REV3L: variants seen among roughly 807,000 people sequenced by gnomAD.
REV3L encodes REV3 like, DNA directed polymerase zeta catalytic subunit.
In REV3L, 69 loss-of-function variants were observed where a neutral mutation model predicts 299.4. That is an observed-to-expected ratio of 0.23 (90% CI 0.19 to 0.28). The LOEUF (loss-of-function observed/expected upper bound fraction) is 0.28, where lower values mean the gene tolerates loss of function less well. Ranked by LOEUF, REV3L falls within the 10% of genes least tolerant of loss-of-function variation. REV3L has a pLI of 1.00. For missense variants in REV3L, 3,128 were observed against 3,693.8 expected (o/e 0.85, Z 3.97); for synonymous variants, 1,238 against 1,271.4 (o/e 0.97, Z 0.56).
chr6:111,465,838 G>A (rs369310343), intron 1 of REV3L, among the ~76,000 whole-genome samples: 3 of 146,308 alleles, frequency 2.1e-5, no homozygotes, highest in East Asian at 4.1e-4. Flanking sequence ...GATGAAAAAC[G>A]ATTTATACAA....
intron 31 of REV3L, among the ~76,000 whole-genome samples, chr6:111,303,701 C>CTTTTTTTTTTTTTTTTTTT (rs58366929): frequency 3.2e-4 from 4 of 12,642 alleles, no homozygotes; most frequent in Non-Finnish European, 3.0e-4. Context: ...CAGACTATGA[C>CTTTTTTTTTTTTTTTTTTT]TTTTTTTTTT....
chr6:111,436,395 T>C (rs1403406729), intron 1 of REV3L, among the ~76,000 whole-genome samples: 1 of 152,128 alleles, frequency 6.6e-6, no homozygotes, highest in African/African-American at 2.4e-5. Flanking sequence ...CATCAGTGGA[T>C]GAATGGATAA....
At chr6:111,431,548 T>G (rs1489036025) in intron 1 of REV3L, 1 of 808,780 alleles carries the variant, frequency 1.2e-6, no homozygotes, top group African/African-American at 1.7e-5. Context: ...CAACATGATC[T>G]GTCTCTTGGG....
At chr6:111,419,298 T>C (rs982390036) in intron 1 of REV3L, among the ~76,000 whole-genome samples, 1 of 151,882 alleles carries the variant, frequency 6.6e-6, no homozygotes, top group African/African-American at 2.4e-5. Context: ...TAAGAGAAAA[T>C]GAAAGAAACA....
intron 26 of REV3L, among the ~76,000 whole-genome samples, chr6:111,320,482 A>C (rs1774035632): frequency 6.6e-6 from 1 of 152,248 alleles, no homozygotes; most frequent in South Asian, 2.1e-4. Flanking sequence ...ATTATATTTA[A>C]CAAGGCAAAG....
At position 111,405,613 on chromosome 6, in the gene REV3L, T is replaced by C; in HGVS notation, c.422A>G (p.Gln141Arg). The change falls in exon 4 of 32, where the codon CAA (glutamine) becomes CGA (arginine). Residue 141 changes from glutamine (Q) to arginine (R), a missense_variant. By Grantham distance (43) the Gln-to-Arg change is conservative. This residue lies in a region of REV3L where 2,409 missense variants were observed against 2,611.8 expected (regional missense o/e 0.92). Coordinates refer to ENST00000368802, the MANE Select transcript of REV3L (RefSeq NM_001372078.1). Reference protein sequence around the residue: ...TMVKRICELLQSGAIMNKFYQ... With the variant: ...TMVKRICELLRSGAIMNKFYQ... ...AAATTTATTCATTATGGCTCCGCTT[T>C]GCAAAAGTTCACATATCCTAAATTA... 6.3e-7 allele frequency: 1 copy of C among 1,598,164 alleles called. No individual in the cohort carries two copies.
At chr6:111,450,508 C>CAAAAAAAAAAAAAAAAAAAAAAAA (rs1789400781) in intron 1 of REV3L, among the ~76,000 whole-genome samples, 4 of 94,280 alleles carry the variant, frequency 4.2e-5, no homozygotes, top group African/African-American at 6.9e-5. Context: ...AAAAAAAAAC[C>CAAAAAAAAAAAAAAAAAAAAAAAA]AAAAAACATT....
intron 10 of REV3L, 29 bp from the exon 11 acceptor site, chr6:111,380,248 A>G (rs775497698): frequency 4.0e-6 from 6 of 1,495,006 alleles, no homozygotes; most frequent in Non-Finnish European, 5.5e-6. Flanking sequence ...AATCACCAAC[A>G]AATAAGTTTT....
intron 1 of REV3L, among the ~76,000 whole-genome samples, chr6:111,432,164 A>G (rs1787015234): frequency 1.3e-5 from 2 of 152,236 alleles, no homozygotes. Context: ...GTTCTAAAAC[A>G]ACAGAAAACA....
chr6:111,444,471 C>CT (rs555516038), intron 1 of REV3L, among the ~76,000 whole-genome samples: 92 of 152,250 alleles, frequency 6.0e-4, no homozygotes, highest in Non-Finnish European at 7.8e-4. Flanking sequence ...TTCCAATACA[C>CT]TTAACCACAA....
intron 1 of REV3L, among the ~76,000 whole-genome samples, chr6:111,452,497 T>C (rs1789667581): frequency 6.6e-6 from 1 of 151,458 alleles, no homozygotes; most frequent in Non-Finnish European, 1.5e-5. Context: ...ATAATGCAAT[T>C]AAAAAAAAAC....
At chr6:111,379,881 A>G in intron 11 of REV3L, 101 bp downstream of exon 11, 1 of 771,750 alleles carries the variant, frequency 1.3e-6, no homozygotes, top group Admixed American at 2.3e-5. Context: ...AATTTAGTTC[A>G]TAAGGTATTT....
chr6:111,430,705 T>C (rs1161636303), intron 1 of REV3L: 5 of 1,544,418 alleles, frequency 3.2e-6, no homozygotes, highest in Admixed American at 1.7e-5. Flanking sequence ...GCAAAGAAAA[T>C]AAAAAGAAAG....
intron 26 of REV3L, among the ~76,000 whole-genome samples, chr6:111,318,458 G>C (rs530915590): frequency 6.6e-6 from 1 of 152,090 alleles, no homozygotes; most frequent in Non-Finnish European, 1.5e-5. Context: ...TAAGCATAAA[G>C]GAGTGGAATC....
chr6:111,463,621 A>C (rs1225465875), intron 1 of REV3L, among the ~76,000 whole-genome samples: 2 of 152,226 alleles, frequency 1.3e-5, no homozygotes, highest in African/African-American at 2.4e-5. Context: ...TTTAAGACAT[A>C]CAGTAAATTT....
intron 21 of REV3L, among the ~76,000 whole-genome samples, chr6:111,339,936 A>G (rs1003495060): frequency 6.6e-6 from 1 of 152,138 alleles, no homozygotes; most frequent in Non-Finnish European, 1.5e-5. Flanking sequence ...TGCTTTGTCA[A>G]ACTTAACGGT....
chr6:111,446,227 G>A (rs1387674673), intron 1 of REV3L, among the ~76,000 whole-genome samples: 3 of 152,180 alleles, frequency 2.0e-5, no homozygotes, highest in Admixed American at 1.3e-4. Context: ...TTGGTTAAAT[G>A]CTAAATTTTA....
intron 1 of REV3L, chr6:111,460,441 T>C (rs1387997958): frequency 6.6e-6 from 1 of 151,886 alleles, no homozygotes; most frequent in Non-Finnish European, 1.5e-5. Context: ...AAAAATTTAA[T>C]TCAAATAAAA....
At chr6:111,337,686 TTATTA>T (rs1262718999) in intron 21 of REV3L, among the ~76,000 whole-genome samples, 11 of 152,186 alleles carry the variant, frequency 7.2e-5, no homozygotes, top group African/African-American at 2.7e-4. Context: ...GTTTTTAAAA[TTATTA>T]TGAGTTTGAT....
Sources: gnomAD v4.1 joint callset for allele counts (sites outside exome capture counted in the v4.1 genomes callset) on GRCh38, gnomAD v4.1.1 for gene constraint, gnomAD v4.1.1 regional missense constraint, MANE v1.5 for transcripts, NCBI Gene and HGNC (gene_info 2026-07-23, HGNC 2026-07-21) for gene names.